SARDH: variants seen among roughly 807,000 people sequenced by gnomAD.
SARDH encodes sarcosine dehydrogenase, also known as sarcosine dehydrogenase, mitochondrial.
A neutral mutation model predicts 109.1 loss-of-function variants in SARDH; 95 were observed. The ratio of observed to expected loss-of-function variants is 0.87; its 90% CI spans 0.74 to 1.03. The LOEUF is 1.03. SARDH is among the 50% of genes least tolerant of loss of function. The probability of loss-of-function intolerance (pLI) is 0.00; values close to 1 mark genes in which losing one functional copy is unlikely to be tolerated. For synonymous variants in SARDH, 572 were observed against 534.8 expected, an observed-to-expected ratio of 1.07 and a Z score of -0.96; for missense variants, 1,267 against 1,287.8, an observed-to-expected ratio of 0.98 and a Z score of 0.25.
In SARDH at chr9:133,666,165, G is replaced by T. The variant is rs1490844653; in HGVS notation, c.2631+570C>A. Among the ~76,000 whole-genome samples, 1 of 152,150 alleles carries T rather than the reference G, an allele frequency of 6.6e-6. No homozygotes were observed. Among genetic ancestry groups the T allele is most frequent in the Non-Finnish European group, 1.5e-5 (1 of 68,016 alleles). ...CAGGGGTCAGGGTCACCTGGAGGGGGTGGGGTTGCCTGGGGTCAGGGGTGT... is the reference window on the plus strand; with the variant it reads ...CAGGGGTCAGGGTCACCTGGAGGGGTTGGGGTTGCCTGGGGTCAGGGGTGT... On this transcript the variant is annotated intron_variant, in intron 20 of 20. Transcript: ENST00000439388. The surrounding 1 kb of genome is among the most constrained non-coding windows in gnomAD (Gnocchi z 5.2).
upstream of SARDH, among the ~76,000 whole-genome samples, chr9:133,738,679 A>T (rs1177520710): frequency 1.3e-5 from 2 of 152,230 alleles, no homozygotes; most frequent in Non-Finnish European, 2.9e-5. Context: ...AGCTATGCAC[A>T]GGCAGGGTGG....
chr9:133,691,695 C>T (rs900099349), intron 15 of SARDH, among the ~76,000 whole-genome samples: 1 of 152,216 alleles, frequency 6.6e-6, no homozygotes. Context: ...CACATTCTCT[C>T]GGCTCCGTGG....
chr9:133,664,070 G>T (rs1346594307), intron 20 of SARDH, 56 bp from the exon 21 acceptor site: 3 of 1,584,142 alleles, frequency 1.9e-6, no homozygotes, highest in South Asian at 1.1e-5. Flanking sequence ...CAGGGCTCAC[G>T]TCTGCCTGCT....
Position 133,728,846 on chromosome 9 carries a change from AGAGG to A in SARDH, c.915+915_915+918del, listed in dbSNP as rs963274141. ...AGGGCAGAGGGAGAGATGAGTGGCT[AGAGG>A]GAGGGAGGGAGGGATTGATGGGTAG... On this transcript the variant is annotated intron_variant, in intron 6 of 20. Transcript: ENST00000439388. The surrounding 1 kb of genome is among the most constrained non-coding windows in gnomAD (Gnocchi z 5.0). Among the ~76,000 whole-genome samples the A allele has an allele frequency of 1.4e-5, 2 of 140,778 alleles. No individual in the cohort carries two copies. 92.4% of individuals were successfully genotyped at this position (140,778 alleles called of 152,430 possible). A position where few individuals can be genotyped will look rare whatever the true frequency, so the allele number is the denominator to read the frequency against.
chr9:133,697,631 T>C (rs1400237906), intron 13 of SARDH, among the ~76,000 whole-genome samples: 1 of 152,174 alleles, frequency 6.6e-6, no homozygotes, highest in Non-Finnish European at 1.5e-5. Flanking sequence ...AAAAATCAAT[T>C]GATGTAATGC....
upstream of SARDH, among the ~76,000 whole-genome samples, chr9:133,739,304 T>C (rs1832984907): frequency 6.6e-6 from 1 of 152,240 alleles, no homozygotes; most frequent in Admixed American, 6.5e-5. Context: ...TAAACTGCTG[T>C]AATTAATACC....
intron 4 of SARDH, 82 bp from the exon 5 acceptor site, chr9:133,730,269 C>T (rs1832631964): frequency 6.5e-7 from 1 of 1,539,598 alleles, no homozygotes; most frequent in African/African-American, 1.4e-5. Flanking sequence ...AACCCCTCCT[C>T]CCAGAGGGGA....
At chr9:133,707,872 C>T (rs1011293237) in intron 11 of SARDH, among the ~76,000 whole-genome samples, 7 of 152,136 alleles carry the variant, frequency 4.6e-5, no homozygotes, top group African/African-American at 9.7e-5. Flanking sequence ...GAAGAGCCTC[C>T]GCAGCAGGCT....
At chr9:133,681,325 T>C (rs1002970701) in intron 17 of SARDH, among the ~76,000 whole-genome samples, 1 of 152,180 alleles carries the variant, frequency 6.6e-6, no homozygotes, top group African/African-American at 2.4e-5. Flanking sequence ...ACTTTTTTTC[T>C]AGCCAAGAGG....
chr9:133,735,368 C>T (rs1198880145), intron 1 of SARDH, among the ~76,000 whole-genome samples: 2 of 152,216 alleles, frequency 1.3e-5, no homozygotes, highest in Non-Finnish European at 2.9e-5. Flanking sequence ...CCCCGACTCC[C>T]TCCTCCTTCA....
In SARDH at chr9:133,690,513, G is replaced by C. The variant is rs554611953; in HGVS notation, c.1936C>G (p.Leu646Val). 2.7e-4 allele frequency: 434 copies of C among 1,602,968 alleles called. 6 individuals are homozygous for C. The South Asian group carries it at 4.6e-3, about 17-fold the overall frequency. ...APAFEGDGYY[L>V]AMGGAVAQHN... ...TGGGCCACGGCCCCGCCCATGGCCA[G>C]GTAGTAACCGTCCCCTGGAAGAGAG... Residue 646 changes from leucine (L) to valine (V), a missense_variant, in exon 16 of 21, where the codon CTG becomes GTG. Leu to Val is a conservative substitution (Grantham distance 32). Transcript: ENST00000439388.
intron 17 of SARDH, among the ~76,000 whole-genome samples, chr9:133,675,847 T>G (rs1170374801): frequency 3.3e-5 from 5 of 152,178 alleles, no homozygotes. Context: ...TCCCAGTACT[T>G]GGGGAGGCCA....
At chr9:133,683,841 C>T (rs566918203) in intron 17 of SARDH, among the ~76,000 whole-genome samples, 2 of 152,358 alleles carry the variant, frequency 1.3e-5, no homozygotes, top group African/African-American at 2.4e-5. Context: ...AAACCCCAGA[C>T]GAACATACAG....
chr9:133,670,774 G>A (rs776607788), intron 18 of SARDH, 22 bp from the exon 19 acceptor site: 6 of 1,550,074 alleles, frequency 3.9e-6, no homozygotes, highest in Non-Finnish European at 5.2e-6. Context: ...GAATCCATGG[G>A]GTCGGTGCCA....
chr9:133,706,170 A>G (rs1831689732), intron 11 of SARDH, among the ~76,000 whole-genome samples: 1 of 152,218 alleles, frequency 6.6e-6, no homozygotes, highest in Admixed American at 6.5e-5. Context: ...ATGTTCACTG[A>G]GCTCTATGCG....
rs768397239 is a variant in SARDH at position 133,733,833 on chromosome 9, C to T, written c.331+10G>A. Reference sequence around the variant, plus strand: ...TCCTTCCCTGCCCCTACCTGGCCCCCGGTCCCTACCTGCCGTGTGCCAGGT... The same window carrying T: ...TCCTTCCCTGCCCCTACCTGGCCCCTGGTCCCTACCTGCCGTGTGCCAGGT... On this transcript the variant is annotated intron_variant, in intron 2 of 20. Transcript: ENST00000439388. 37 of 1,450,916 alleles carry T rather than the reference C, an allele frequency of 2.6e-5. 1 individual carries two copies. The highest frequency in any genetic ancestry group is 5.7e-5 in the Admixed American group (2 of 35,244). 89.9% of individuals were successfully genotyped at this position (1,450,916 alleles called of 1,614,324 possible).
intron 19 of SARDH, among the ~76,000 whole-genome samples, chr9:133,668,332 T>TACC (rs1830157679): frequency 1.6e-5 from 1 of 63,854 alleles, no homozygotes; most frequent in African/African-American, 6.5e-5. Flanking sequence ...TCCCTCTCCC[T>TACC]CTCCCTCATT....
chr9:133,675,057 A>G (rs1180479055), intron 17 of SARDH, among the ~76,000 whole-genome samples: 2 of 152,354 alleles, frequency 1.3e-5, no homozygotes, highest in African/African-American at 4.8e-5. Context: ...AAAAATGGGC[A>G]AAGGGGCCGG....
Position 133,666,978 on chromosome 9 carries a change from G to T in SARDH, c.2496-108C>A. The T allele has an allele frequency of 6.8e-7, 1 of 1,471,382 alleles. No individual in the cohort carries two copies. Among genetic ancestry groups the T allele is most frequent in the East Asian group, 2.4e-5 (1 of 41,154 alleles). 91.1% of individuals were successfully genotyped at this position (1,471,382 alleles called of 1,614,324 possible). On this transcript the variant is annotated intron_variant, in intron 19 of 20. Coordinates refer to ENST00000439388, the MANE Select transcript of SARDH (RefSeq NM_001134707.2). The surrounding 1 kb of genome is among the most constrained non-coding windows in gnomAD (Gnocchi z 5.2). ...GGCTGCATGATGCACACCCAACCGT[G>T]GCTCCAGGCAGATAGGGCTGGCCTA...
Sources: gnomAD v4.1 joint callset for allele counts (sites outside exome capture counted in the v4.1 genomes callset) on GRCh38, gnomAD v4.1.1 for gene constraint, Gnocchi (gnomAD v3.1) non-coding constraint, MANE v1.5 for transcripts, NCBI Gene and HGNC (gene_info 2026-07-23, HGNC 2026-07-21) for gene names.